The following ZNF860 variants were observed in gnomAD, a reference collection of about 807,000 sequenced individuals.
ZNF860 encodes the protein zinc finger protein 860.
For missense variants in ZNF860, 641 were observed against 759.2 expected (o/e 0.84, Z 1.83); for synonymous variants, 206 against 248.9 (o/e 0.83, Z 1.62).
At chr3:31,984,094 G>C (rs1372412522) in intron 1 of ZNF860, among the ~76,000 whole-genome samples, 3 of 152,084 alleles carry the variant, frequency 2.0e-5, no homozygotes, top group Admixed American at 6.5e-5. Flanking sequence ...CTGGAGTGTA[G>C]TGGCACGACC....
At chr3:31,998,913 C>A in the ZNF860 span, among the ~76,000 whole-genome samples, 1 of 152,174 alleles carries the variant, frequency 6.6e-6, no homozygotes, top group East Asian at 1.9e-4. Context: ...TGGCTCAGAG[C>A]AATCATTCAC....
chr3:31,995,170 A>G (rs1452365359), downstream of ZNF860, among the ~76,000 whole-genome samples: 1 of 152,206 alleles, frequency 6.6e-6, no homozygotes, highest in Non-Finnish European at 1.5e-5. Flanking sequence ...ACATCTTAAC[A>G]GAAAACAGAG....
downstream of ZNF860, among the ~76,000 whole-genome samples, chr3:31,992,445 A>G (rs1277670103): frequency 6.6e-6 from 1 of 152,188 alleles, no homozygotes; most frequent in African/African-American, 2.4e-5. Context: ...CAGTAGAGCC[A>G]TGTTGATTCT....
chr3:31,992,103 C>T (rs11711041), downstream of ZNF860, among the ~76,000 whole-genome samples: 1 of 149,468 alleles, frequency 6.7e-6, no homozygotes, highest in African/African-American at 2.5e-5. Flanking sequence ...CCAGGATCGC[C>T]CCACTGCACT....
chr3:31,984,863 C>T (rs1235733020), intron 1 of ZNF860, among the ~76,000 whole-genome samples: 1 of 152,192 alleles, frequency 6.6e-6, no homozygotes, highest in Non-Finnish European at 1.5e-5. Context: ...GGACAGCTTA[C>T]AGGTTAGAAG....
intron 1 of ZNF860, among the ~76,000 whole-genome samples, chr3:31,983,770 T>G (rs971169476): frequency 2.6e-5 from 4 of 152,242 alleles, no homozygotes; most frequent in Non-Finnish European, 4.4e-5. Context: ...AAAAGGTACC[T>G]GCAGAATTAT....
chr3:32,002,914 ACAGACAATCAGGT>A, the ZNF860 span, among the ~76,000 whole-genome samples: 1 of 152,216 alleles, frequency 6.6e-6, no homozygotes, highest in African/African-American at 2.4e-5. Flanking sequence ...AATGGGGGTG[ACAGACAATCAGGT>A]CATTACAACA....
chr3:31,982,650 T>TAA (rs34935064), intron 1 of ZNF860, among the ~76,000 whole-genome samples: 2,857 of 147,006 alleles, frequency 0.019, 87 homozygotes, highest in East Asian at 0.14. Flanking sequence ...TACATAGTGT[T>TAA]AAAAAAAAAA....
rs1489654512 is a variant in ZNF860, at chr3:31,990,218, G to A, written c.1139G>A (p.Ser380Asn). The A allele has an allele frequency of 6.2e-7, 1 of 1,613,750 alleles. No individual in the cohort carries two copies. ...TGTAATGAGTGTGGCAAAGCCTTTA[G>A]TGGGCAGTCAACACTTATTCACCAT... Reference protein sequence around the residue: ...YKCNECGKAFSGQSTLIHHQA... With the variant: ...YKCNECGKAFNGQSTLIHHQA... Residue 380 changes from serine to asparagine, a missense_variant, in exon 2 of 2, where the codon AGT becomes AAT. By Grantham distance (46) the Ser-to-Asn change is conservative. Coordinates refer to ENST00000360311, the MANE Select transcript of ZNF860 (RefSeq NM_001137674.3).
rs1229956529 is a variant in ZNF860, at chr3:31,981,961, G to A, written c.-421+59G>A. 6.6e-6 allele frequency: 1 copy of A among 152,186 alleles called. No homozygotes were observed. Among genetic ancestry groups the A allele is most frequent in the Non-Finnish European group, 1.5e-5 (1 of 68,074 alleles). The allele number at this position is 152,186 out of a possible 1,614,324, so 9.4% of individuals were successfully genotyped here. On this transcript the variant is annotated intron_variant, in intron 1 of 1. Coordinates refer to ENST00000360311, the MANE Select transcript of ZNF860 (RefSeq NM_001137674.3). This position sits in a 1 kb window ranked among gnomAD's most constrained non-coding sequence, Gnocchi z 4.5. The stretch of plus-strand genomic sequence containing the variant: ...TATGATAAATGCTTAACAGACACAC[G>A]GCTGGGCTGGGGTGAGGCGCGCGAA...
chr3:32,005,955 GT>G, the ZNF860 span, among the ~76,000 whole-genome samples: 1 of 150,842 alleles, frequency 6.6e-6, no homozygotes, highest in Non-Finnish European at 1.5e-5. Flanking sequence ...ATTTTATTTT[GT>G]TTTTTTGAGA....
chr3:32,003,851 A>G, the ZNF860 span, among the ~76,000 whole-genome samples: 1 of 152,278 alleles, frequency 6.6e-6, no homozygotes, highest in South Asian at 2.1e-4. Context: ...AAAAGGGAGA[A>G]CAGTGGATTT....
At position 31,990,106 on chromosome 3, in the gene ZNF860, A is replaced by C. The variant is rs749829939; in HGVS notation, c.1027A>C (p.Lys343Gln). Residue 343 changes from lysine (K) to glutamine (Q), a missense_variant, in exon 2 of 2, where the codon AAA (lysine) becomes CAA (glutamine). Physicochemically the swap from Lys to Gln is moderately conservative, Grantham distance 53 (BLOSUM62 1). Coordinates refer to ENST00000360311, the MANE Select transcript of ZNF860 (RefSeq NM_001137674.3). The part of the protein sequence containing the change: ...RRIHTGEKPY[K>Q]CKVCEKAFRR... ...AATTCATACTGGAGAGAAACCATAC[A>C]AATGTAAGGTTTGTGAAAAGGCTTT... 1.9e-6 allele frequency: 3 copies of C among 1,611,706 alleles called. No individual in the cohort carries two copies. Among genetic ancestry groups the C allele is most frequent in the Non-Finnish European group, 2.5e-6 (3 of 1,178,586 alleles).
At chr3:31,992,162 A>C (rs114278647), downstream of ZNF860, among the ~76,000 whole-genome samples, 1,109 of 151,692 alleles carry the variant, frequency 7.3e-3, 17 homozygotes, top group African/African-American at 0.025. Context: ...AAAAAAAAAA[A>C]GATATGTCAG....
downstream of ZNF860, among the ~76,000 whole-genome samples, chr3:31,992,177 G>C (rs910722569): frequency 4.0e-5 from 6 of 151,844 alleles, no homozygotes; most frequent in Non-Finnish European, 8.8e-5. Context: ...TGTCAGTGTG[G>C]TGTAGGCAAA....
Position 31,990,983 on chromosome 3 carries a change from C to T in ZNF860, c.*5C>T. The T allele has an allele frequency of 1.3e-6, 2 of 1,560,356 alleles. No homozygotes were observed. Among genetic ancestry groups the T allele is most frequent in the Non-Finnish European group, 1.7e-6 (2 of 1,154,764 alleles). On this transcript the variant is annotated 3_prime_UTR_variant, in exon 2 of 2. Coordinates refer to ENST00000360311, the MANE Select transcript of ZNF860 (RefSeq NM_001137674.3). ...CGTGGCAAGGTCTTCAGTTAGAGGT[C>T]ACTCCTTGCAAAACATCAGAAAATT...
chr3:31,990,147 C>T lies in ZNF860; in HGVS notation c.1068C>T (p.His356=), dbSNP rs1559544342. ...VCEKAFRRDS[H]LTQHTRIHTG... is the part of the protein sequence containing the mutation. The stretch of plus-strand genomic sequence containing the variant: ...AAAAGGCTTTCAGGCGTGATTCACA[C>T]CTCACACAACACACTAGAATTCACA... Residue 356 remains histidine, a synonymous_variant, in exon 2 of 2, where the codon CAC becomes CAT. Transcript: ENST00000360311. 6.2e-7 allele frequency: 1 copy of T among 1,611,616 alleles called. No homozygotes were observed. The highest frequency in any genetic ancestry group is 8.5e-7 in the Non-Finnish European group (1 of 1,178,572).
At chr3:31,995,290 C>G (rs1699079389), downstream of ZNF860, among the ~76,000 whole-genome samples, 1 of 152,164 alleles carries the variant, frequency 6.6e-6, no homozygotes, top group African/African-American at 2.4e-5. Flanking sequence ...GTCCTTATCT[C>G]AACCACATAG....
chr3:31,992,723 G>T (rs113942298), downstream of ZNF860, among the ~76,000 whole-genome samples: 1,404 of 152,324 alleles, frequency 9.2e-3, 26 homozygotes, highest in African/African-American at 0.032. Context: ...GCCAGGCATG[G>T]TGACTCATGC....
Sources: allele counts gnomAD v4.1 joint callset (sites outside exome capture counted in the v4.1 genomes callset), GRCh38; gene constraint gnomAD v4.1.1; non-coding constraint Gnocchi (gnomAD v3.1); transcripts MANE v1.5; gene names NCBI Gene and HGNC (gene_info 2026-07-23, HGNC 2026-07-21).